The following WBP1L variants were observed in gnomAD, a reference collection of about 807,000 sequenced individuals.
WBP1L encodes WW domain binding protein 1-like.
A neutral mutation model predicts 33.7 loss-of-function variants in WBP1L; 17 were observed. The ratio of observed to expected loss-of-function variants is 0.50; its 90% CI spans 0.34 to 0.76. The LOEUF is 0.76. WBP1L is among the 30% of genes least tolerant of loss of function. The pLI is 0.01. For missense variants in WBP1L, 389 were observed against 469.4 expected, an observed-to-expected ratio of 0.83 and a Z score of 1.58; for synonymous variants, 173 against 190.8, an observed-to-expected ratio of 0.91 and a Z score of 0.77.
intron 1 of WBP1L, 141 bp downstream of exon 1, chr10:102,744,284 G>A (rs1842835054): frequency 7.8e-7 from 1 of 1,278,852 alleles, no homozygotes; most frequent in Non-Finnish European, 1.0e-6. Context: ...AGGATCTAAA[G>A]GGGCGTCGGT....
chr10:102,768,768 A>G (rs1281821941), intron 1 of WBP1L, among the ~76,000 whole-genome samples: 1 of 142,550 alleles, frequency 7.0e-6, no homozygotes, highest in Non-Finnish European at 1.5e-5. Context: ...GCTCACTGAA[A>G]GCTCCACCTC....
At position 102,743,978 on chromosome 10, in the gene WBP1L, A is replaced by AAGAGGGTAGAGGAGG. The variant is rs1306440595; in HGVS notation, c.-69_-55dup. ...ACAGGAAAAGAAGGGAAGAAGGAAGAAGAGGGTAGAGGAGGAGAGGGAGGA... is the reference window on the plus strand; with the variant it reads ...ACAGGAAAAGAAGGGAAGAAGGAAGAAGAGGGTAGAGGAGGAGAGGGTAGAGGAGGAGAGGGAGGA... On this transcript the variant is annotated 5_prime_UTR_variant, in exon 1 of 4. Transcript: ENST00000448841. 1 of 1,102,778 alleles carries AAGAGGGTAGAGGAGG rather than the reference A, an allele frequency of 9.1e-7. No individual in the cohort carries two copies. The highest frequency in any genetic ancestry group is 1.3e-6 in the Non-Finnish European group (1 of 761,206). The allele number at this position is 1,102,778 out of a possible 1,614,324, so 68.3% of individuals were successfully genotyped here. A position where few individuals can be genotyped will look rare whatever the true frequency, so the allele number is the denominator to read the frequency against.
intron 1 of WBP1L, among the ~76,000 whole-genome samples, chr10:102,772,187 C>T (rs540379222): frequency 1.2e-4 from 18 of 150,782 alleles, no homozygotes; most frequent in Admixed American, 8.0e-4. Context: ...CTTGATCTCC[C>T]GACTTCGTGA....
intron 1 of WBP1L, among the ~76,000 whole-genome samples, chr10:102,753,149 A>G (rs1842941102): frequency 6.6e-6 from 1 of 152,082 alleles, no homozygotes; most frequent in Non-Finnish European, 1.5e-5. Context: ...TCCCACTGTA[A>G]CTGCACAGCC....
chr10:102,780,389 A>G (rs1452153725), intron 1 of WBP1L, among the ~76,000 whole-genome samples: 2 of 152,204 alleles, frequency 1.3e-5, no homozygotes, highest in Non-Finnish European at 2.9e-5. Flanking sequence ...GGTTAAGAGA[A>G]ATTCCATTAT....
At chr10:102,766,841 A>G (rs1843118558) in intron 1 of WBP1L, among the ~76,000 whole-genome samples, 1 of 152,114 alleles carries the variant, frequency 6.6e-6, no homozygotes, top group Admixed American at 6.5e-5. Context: ...CAAAAAAAAA[A>G]AAAGCAAAAA....
intron 1 of WBP1L, among the ~76,000 whole-genome samples, chr10:102,775,849 A>G (rs536142681): frequency 3.3e-5 from 5 of 152,238 alleles, no homozygotes; most frequent in African/African-American, 7.2e-5. Flanking sequence ...AGGAGAAACA[A>G]TACTCTAGGA....
chr10:102,758,108 C>G (rs1409484919), intron 1 of WBP1L, among the ~76,000 whole-genome samples: 2 of 151,924 alleles, frequency 1.3e-5, no homozygotes, highest in Non-Finnish European at 2.9e-5. Context: ...TGGTCTCGAA[C>G]TCCTGACCTC....
chr10:102,748,485 C>T (rs900276426), intron 1 of WBP1L, among the ~76,000 whole-genome samples: 4 of 152,108 alleles, frequency 2.6e-5, no homozygotes, highest in African/African-American at 9.7e-5. Context: ...TAGTGGGATT[C>T]GAGACTTCCA....
At chr10:102,790,732 C>T (rs1160210420) in intron 1 of WBP1L, among the ~76,000 whole-genome samples, 1 of 151,976 alleles carries the variant, frequency 6.6e-6, no homozygotes, top group Non-Finnish European at 1.5e-5. Flanking sequence ...AGGCTGGTCT[C>T]GAATTCCTGA....
intron 1 of WBP1L, among the ~76,000 whole-genome samples, chr10:102,749,878 A>G (rs1842908538): frequency 6.6e-6 from 1 of 151,386 alleles, no homozygotes; most frequent in Non-Finnish European, 1.5e-5. Flanking sequence ...CCCGGGTTCA[A>G]GGGATTCTCA....
At position 102,767,458 on chromosome 10, in the gene WBP1L, G is replaced by C. The variant is rs1481179369; in HGVS notation, c.90+23315G>C. Among the ~76,000 whole-genome samples, 4 of 152,176 alleles carry C rather than the reference G, an allele frequency of 2.6e-5. No individual in the cohort carries two copies. In the South Asian group the frequency reaches 6.2e-4, roughly 24 times the overall value. ...GCTCACTTGAACCCAGGATTTTGAG[G>C]CTGCAGTGTATTATGATGGCCCCTG... On this transcript the variant is annotated intron_variant, in intron 1 of 3. Transcript: ENST00000448841.
At position 102,814,894 on chromosome 10, in the gene WBP1L, A is replaced by G. The variant is rs1843908757; in HGVS notation, c.*1563A>G. On this transcript the variant is annotated 3_prime_UTR_variant, in exon 4 of 4. Transcript: ENST00000448841. ...AAAGAAACAAACAAAATATATATATATATGTCCAAAAACAGACAAATCCAA... is the reference window on the plus strand; with the variant it reads ...AAAGAAACAAACAAAATATATATATGTATGTCCAAAAACAGACAAATCCAA... 1 of 152,546 alleles carries G rather than the reference A, an allele frequency of 6.6e-6. No individual in the cohort carries two copies. The highest frequency in any genetic ancestry group is 1.5e-5 in the Non-Finnish European group (1 of 68,016). 9.4% of individuals were successfully genotyped at this position (152,546 alleles called of 1,614,324 possible).
In WBP1L at chr10:102,815,182, G is replaced by A. The variant is rs139588190; in HGVS notation, c.*1851G>A. 6.5e-6 allele frequency: 1 copy of A among 152,738 alleles called. No individual in the cohort carries two copies. The highest frequency in any genetic ancestry group is 1.5e-5 in the Non-Finnish European group (1 of 68,032). 9.5% of individuals were successfully genotyped at this position (152,738 alleles called of 1,614,324 possible). On this transcript the variant is annotated 3_prime_UTR_variant, in exon 4 of 4. Transcript: ENST00000448841. Reference sequence around the variant, plus strand: ...CTGTTTACCGAACAAATGTCTGACTGTGTACTCGGGTGTACTCCGCAGCAT... The same window carrying A: ...CTGTTTACCGAACAAATGTCTGACTATGTACTCGGGTGTACTCCGCAGCAT...
chr10:102,814,321 C>G lies in WBP1L; in HGVS notation c.*990C>G, dbSNP rs1170492991. Reference sequence around the variant, plus strand: ...CCTTTGGTCTGTGTTCACAGGTGACCCGTGTCAGCCTGCATCGCAAGCACA... The same window carrying G: ...CCTTTGGTCTGTGTTCACAGGTGACGCGTGTCAGCCTGCATCGCAAGCACA... On this transcript the variant is annotated 3_prime_UTR_variant, in exon 4 of 4. Coordinates refer to ENST00000448841, the MANE Select transcript of WBP1L (RefSeq NM_001083913.2). 6.6e-6 allele frequency: 1 copy of G among 152,596 alleles called. No homozygotes were observed. Among genetic ancestry groups the G allele is most frequent in the South Asian group, 2.1e-4 (1 of 4,816 alleles). The allele number at this position is 152,596 out of a possible 1,614,324, so 9.5% of individuals were successfully genotyped here.
At chr10:102,788,477 T>C (rs547862583) in intron 1 of WBP1L, among the ~76,000 whole-genome samples, 1 of 152,284 alleles carries the variant, frequency 6.6e-6, no homozygotes, top group East Asian at 1.9e-4. Flanking sequence ...TTTGCCTCCT[T>C]ACCACCTACA....
chr10:102,772,153 T>C (rs890004534), intron 1 of WBP1L, among the ~76,000 whole-genome samples: 5 of 151,850 alleles, frequency 3.3e-5, no homozygotes, highest in African/African-American at 1.2e-4. Flanking sequence ...AGAGACGGGG[T>C]TTCACCATGT....
intron 1 of WBP1L, among the ~76,000 whole-genome samples, chr10:102,781,058 C>G (rs1420009284): frequency 6.6e-6 from 1 of 152,174 alleles, no homozygotes; most frequent in Non-Finnish European, 1.5e-5. Flanking sequence ...GAAAGAGGCA[C>G]AGGGGGCAAC....
chr10:102,749,169 A>G (rs912760967), intron 1 of WBP1L, among the ~76,000 whole-genome samples: 8 of 152,268 alleles, frequency 5.3e-5, no homozygotes, highest in Non-Finnish European at 1.2e-4. Flanking sequence ...CCACTTAGCC[A>G]GGTGGCTGCT....
Sources: allele counts gnomAD v4.1 joint callset (sites outside exome capture counted in the v4.1 genomes callset), GRCh38; gene constraint gnomAD v4.1.1; transcripts MANE v1.5; gene names NCBI Gene and HGNC (gene_info 2026-07-23, HGNC 2026-07-21).